Variants in PXDN observed in about 807,000 individuals in gnomAD.
The protein encoded by PXDN is peroxidasin homolog.
Under a neutral mutation model 140.3 loss-of-function variants are expected in PXDN, and 77 were observed. The observed-to-expected ratio is 0.55, with a 90% CI of 0.46 to 0.66. PXDN has a LOEUF of 0.66. Among genes scored for constraint, PXDN ranks in the 30% least tolerant of loss-of-function variants. The pLI is 0.00. For synonymous variants in PXDN, 911 were observed against 857.4 expected, an observed-to-expected ratio of 1.06 and a Z score of -1.09; for missense variants, 1,838 against 2,039.5, an observed-to-expected ratio of 0.90 and a Z score of 1.90.
At chr2:1,721,872 C>T (rs1685061504) in intron 1 of PXDN, among the ~76,000 whole-genome samples, 1 of 152,054 alleles carries the variant, frequency 6.6e-6, no homozygotes, top group African/African-American at 2.4e-5. Context: ...ATGACCTCCA[C>T]TGAGGAAATG....
chr2:1,646,950 C>T lies in PXDN; in HGVS notation c.3608+1222G>A, dbSNP rs145378487. Among the ~76,000 whole-genome samples the T allele has an allele frequency of 6.2e-3, 948 of 152,244 alleles. 11 individuals are homozygous for T. The highest frequency in any genetic ancestry group is 0.022 in the African/African-American group (914 of 41,518). Reference sequence around the variant, plus strand: ...GGTCTCTGTCACTCAGGCTGGAGTGCAGTAGCGTGATCTCGGCTCACTGCA... The same window carrying T: ...GGTCTCTGTCACTCAGGCTGGAGTGTAGTAGCGTGATCTCGGCTCACTGCA... On this transcript the variant is annotated intron_variant, in intron 17 of 22. Transcript: ENST00000252804.
chr2:1,647,951 C>G (rs1302734463), intron 17 of PXDN, among the ~76,000 whole-genome samples: 2 of 151,986 alleles, frequency 1.3e-5, no homozygotes, highest in Non-Finnish European at 2.9e-5. Context: ...GTGGAAGGGC[C>G]CTCCACCGTC....
chr2:1,693,679 C>T (rs1401822804), intron 1 of PXDN, among the ~76,000 whole-genome samples: 1 of 152,252 alleles, frequency 6.6e-6, no homozygotes, highest in Admixed American at 6.5e-5. Flanking sequence ...GGGTTTTACC[C>T]TAATGGTTCC....
In PXDN at chr2:1,714,846, A is replaced by T. The variant is rs1489083643; in HGVS notation, c.201-21712T>A. On this transcript the variant is annotated intron_variant, in intron 1 of 22. Coordinates refer to ENST00000252804, the MANE Select transcript of PXDN (RefSeq NM_012293.3). This position sits in a 1 kb window ranked among gnomAD's most constrained non-coding sequence, Gnocchi z 4.3. ...GGGGCCCCTGGCCAAGGGCACAGGA[A>T]GTAGGGGGTCCCTCTCCAGGCTCTG... 6.6e-6 allele frequency among the ~76,000 whole-genome samples: 1 copy of T among 152,192 alleles called. No individual in the cohort carries two copies. The highest frequency in any genetic ancestry group is 1.9e-4 in the East Asian group (1 of 5,174).
intron 7 of PXDN, among the ~76,000 whole-genome samples, chr2:1,679,147 T>C (rs1463152088): frequency 1.3e-5 from 2 of 149,030 alleles, no homozygotes; most frequent in Non-Finnish European, 3.0e-5. Flanking sequence ...GTGGATGGTG[T>C]GTGCATGTGT....
At chr2:1,683,092 TCTTTAATGGCTG>T (rs1370860913) in intron 6 of PXDN, among the ~76,000 whole-genome samples, 1 of 151,836 alleles carries the variant, frequency 6.6e-6, no homozygotes, top group African/African-American at 2.4e-5. Context: ...ATTTAAATCG[TCTTTAATGGCTG>T]GGCATGGTGG....
At position 1,632,480 on chromosome 2, in the gene PXDN, C is replaced by A. The variant is rs1194088390; in HGVS notation, c.*1724G>T. The A allele has an allele frequency of 6.6e-6, 1 of 152,244 alleles. No individual in the cohort carries two copies. The highest frequency in any genetic ancestry group is 1.9e-4 in the East Asian group (1 of 5,200). The allele number at this position is 152,244 out of a possible 1,614,324, so 9.4% of individuals were successfully genotyped here. On this transcript the variant is annotated 3_prime_UTR_variant, in exon 23 of 23. Coordinates refer to ENST00000252804, the MANE Select transcript of PXDN (RefSeq NM_012293.3). This position sits in a 1 kb window ranked among gnomAD's most constrained non-coding sequence, Gnocchi z 4.3. ...AAAGAAGTCCACATGTCATGAAACA[C>A]CAACCAATTTTTATCAATCACTTAC...
chr2:1,740,570 G>A (rs1382972581), intron 1 of PXDN, among the ~76,000 whole-genome samples: 1 of 152,018 alleles, frequency 6.6e-6, no homozygotes, highest in Non-Finnish European at 1.5e-5. Flanking sequence ...GCCGGGAGGT[G>A]GGCTGGTCCA....
rs1170672329 is a variant in PXDN at position 1,714,796 on chromosome 2, C to T, written c.201-21662G>A. Among the ~76,000 whole-genome samples the T allele has an allele frequency of 1.3e-5, 2 of 152,066 alleles. No homozygotes were observed. Among genetic ancestry groups the T allele is most frequent in the Non-Finnish European group, 2.9e-5 (2 of 68,022 alleles). Reference sequence around the variant, plus strand: ...AATGCAAAGTGCATAGCTCTTGGGCCGGACAAACCAGGCCTGGGTCAGATG... The same window carrying T: ...AATGCAAAGTGCATAGCTCTTGGGCTGGACAAACCAGGCCTGGGTCAGATG... On this transcript the variant is annotated intron_variant, in intron 1 of 22. Coordinates refer to ENST00000252804, the MANE Select transcript of PXDN (RefSeq NM_012293.3). This position sits in a 1 kb window ranked among gnomAD's most constrained non-coding sequence, Gnocchi z 4.3.
At chr2:1,654,713 T>G (rs1398005482) in intron 14 of PXDN, among the ~76,000 whole-genome samples, 1 of 152,200 alleles carries the variant, frequency 6.6e-6, no homozygotes, top group African/African-American at 2.4e-5. Context: ...CTTTAGCTTT[T>G]GAAATCATGT....
Position 1,652,403 on chromosome 2 carries a change from G to A in PXDN, c.2104+1225C>T, listed in dbSNP as rs139902020. Reference sequence around the variant, plus strand: ...GGGAAGGGGCTGGGACCCATGCCTGGTACCTCTCATCCTAGTCTCCCCCTG... The same window carrying A: ...GGGAAGGGGCTGGGACCCATGCCTGATACCTCTCATCCTAGTCTCCCCCTG... On this transcript the variant is annotated intron_variant, in intron 16 of 22. Coordinates refer to ENST00000252804, the MANE Select transcript of PXDN (RefSeq NM_012293.3). 3.1e-3 allele frequency among the ~76,000 whole-genome samples: 471 copies of A among 152,162 alleles called. 5 individuals are homozygous for A. The highest frequency in any genetic ancestry group is 6.7e-3 in the African/African-American group (277 of 41,494).
intron 19 of PXDN, among the ~76,000 whole-genome samples, chr2:1,640,750 A>C (rs1414976097): frequency 1.3e-5 from 2 of 152,214 alleles, no homozygotes; most frequent in Admixed American, 6.5e-5. Flanking sequence ...CCTGGGGTCA[A>C]GAATGAGCCT....
intron 1 of PXDN, among the ~76,000 whole-genome samples, chr2:1,719,060 C>T (rs917819027): frequency 5.3e-5 from 8 of 152,380 alleles, no homozygotes; most frequent in South Asian, 2.1e-4. Context: ...CGAGCTGAGA[C>T]GCCAGGGGCC....
At chr2:1,671,726 C>G (rs1436511921) in intron 9 of PXDN, among the ~76,000 whole-genome samples, 1 of 152,186 alleles carries the variant, frequency 6.6e-6, no homozygotes, top group Non-Finnish European at 1.5e-5. Context: ...TCACTCTATT[C>G]CTATTACTAT....
chr2:1,664,233 A>G, intron 11 of PXDN: 1 of 162,262 alleles, frequency 6.2e-6, no homozygotes, highest in South Asian at 1.8e-4. Flanking sequence ...AAAGACTTTC[A>G]GGAGCCCTGG....
chr2:1,665,647 A>G (rs1186559356), intron 10 of PXDN, among the ~76,000 whole-genome samples: 3 of 152,254 alleles, frequency 2.0e-5, no homozygotes, highest in African/African-American at 7.2e-5. Context: ...AGGCCAGCAG[A>G]AGGAAATGAT....
At chr2:1,717,807 G>A (rs1010329796) in intron 1 of PXDN, among the ~76,000 whole-genome samples, 1 of 146,862 alleles carries the variant, frequency 6.8e-6, no homozygotes, top group African/African-American at 2.5e-5. Flanking sequence ...ACCACCCAAA[G>A]CTATTCTGCT....
At chr2:1,729,028 GC>G (rs1685253497) in intron 1 of PXDN, among the ~76,000 whole-genome samples, 2 of 125,438 alleles carry the variant, frequency 1.6e-5, no homozygotes, top group African/African-American at 5.3e-5. Flanking sequence ...TCCTCCCAGT[GC>G]GGGGCCCGGT....
At chr2:1,657,854 T>C (rs1372439691) in intron 14 of PXDN, among the ~76,000 whole-genome samples, 2 of 139,204 alleles carry the variant, frequency 1.4e-5, no homozygotes, top group African/African-American at 3.0e-5. Flanking sequence ...ACCCGCCCTC[T>C]CCTGACAAGG....
Sources: allele counts gnomAD v4.1 joint callset (sites outside exome capture counted in the v4.1 genomes callset), GRCh38; gene constraint gnomAD v4.1.1; non-coding constraint Gnocchi (gnomAD v3.1); transcripts MANE v1.5; gene names NCBI Gene and HGNC (gene_info 2026-07-23, HGNC 2026-07-21).